Variants in SPTBN1 observed in about 807,000 individuals in gnomAD.
SPTBN1 encodes the protein spectrin beta, non-erythrocytic 1.
In SPTBN1, 32 loss-of-function variants were observed where a neutral mutation model predicts 266.4. That is an observed-to-expected ratio of 0.12 (90% CI 0.09 to 0.16). The LOEUF (loss-of-function observed/expected upper bound fraction) is 0.16, where lower values mean the gene tolerates loss of function less well. Among genes scored for constraint, SPTBN1 ranks in the 10% least tolerant of loss-of-function variants. The pLI is 1.00. For synonymous variants in SPTBN1, 1,336 were observed against 1,162.2 expected (o/e 1.15, Z -3.04); for missense variants, 2,296 against 3,067.1 (o/e 0.75, Z 5.94).
intron 33 of SPTBN1, among the ~76,000 whole-genome samples, chr2:54,665,114 C>T (rs1681286873): frequency 6.6e-6 from 1 of 152,124 alleles, no homozygotes; most frequent in Admixed American, 6.5e-5. Context: ...TTTTATTTAA[C>T]AGATGGGGAA....
At chr2:54,494,254 A>G (rs368445684) in intron 1 of SPTBN1, among the ~76,000 whole-genome samples, 72 of 152,346 alleles carry the variant, frequency 4.7e-4, no homozygotes, top group African/African-American at 1.6e-3. Flanking sequence ...AAAAGGACTT[A>G]TCTTTTAAGA....
At position 54,621,463 on chromosome 2, in the gene SPTBN1, A is replaced by G. The variant is rs764904043; in HGVS notation, c.827A>G (p.Tyr276Cys). 2 of 1,614,138 alleles carry G rather than the reference A, an allele frequency of 1.2e-6. No homozygotes were observed. Among genetic ancestry groups the G allele is most frequent in the Non-Finnish European group, 1.7e-6 (2 of 1,180,002 alleles). ...IITYVVTYYH[Y>C]FSKMKALAVE... ...ACTTATGTGGTGACTTATTACCACT[A>G]CTTCTCTAAGATGAAGGCCTTAGCT... Residue 276 changes from tyrosine to cysteine, a missense_variant, in exon 8 of 36, where the codon TAC becomes TGC. Physicochemically the swap from Tyr to Cys is radical, Grantham distance 194. Around this residue, in one of 12 missense-constraint regions of SPTBN1, gnomAD observed 178 missense variants for 375.7 expected, o/e 0.47. Transcript: ENST00000356805.
intron 1 of SPTBN1, among the ~76,000 whole-genome samples, chr2:54,458,807 G>T (rs1246694879): frequency 1.3e-5 from 2 of 152,192 alleles, no homozygotes; most frequent in Non-Finnish European, 2.9e-5. Context: ...ATTTCAATAT[G>T]CTAGTTGGAA....
At chr2:54,470,420 C>G (rs957639988) in intron 1 of SPTBN1, among the ~76,000 whole-genome samples, 13 of 152,162 alleles carry the variant, frequency 8.5e-5, no homozygotes. Context: ...TCTCAGTCTC[C>G]TCAACTTTTA....
rs566700866 is a variant in SPTBN1 at position 54,504,627 on chromosome 2, T to G, written c.-47-21745T>G. On this transcript the variant is annotated intron_variant, in intron 1 of 35. Transcript: ENST00000356805. ...GATTTAAAGTATTTGAGAGGATGTG[T>G]GTCGGTTTTATACAAATACTACACC... is the stretch of plus-strand genomic sequence containing the variant. Among the ~76,000 whole-genome samples, 113 of 152,322 alleles carry G rather than the reference T, an allele frequency of 7.4e-4. 1 individual carries two copies. Among genetic ancestry groups the G allele is most frequent in the African/African-American group, 2.7e-3 (112 of 41,576 alleles).
In SPTBN1 at chr2:54,664,380, G is replaced by A. The variant is rs955835444; in HGVS notation, c.6421-73G>A. ...GGCATTTATACACAGCCACATGTGC[G>A]AGTCAGGTAGAGCGTATGTGGTCAC... On this transcript the variant is annotated intron_variant, in intron 32 of 35. Transcript: ENST00000356805. This position sits in a 1 kb window ranked among gnomAD's most constrained non-coding sequence, Gnocchi z 5.6. The A allele has an allele frequency of 6.0e-5, 87 of 1,453,214 alleles. No homozygotes were observed. In the Admixed American group the frequency reaches 9.3e-4, roughly 15 times the overall value. The allele number at this position is 1,453,214 out of a possible 1,614,324, so 90.0% of individuals were successfully genotyped here.
intron 10 of SPTBN1, 62 bp from the exon 11 acceptor site, chr2:54,624,742 G>A (rs1312375879): frequency 1.9e-6 from 3 of 1,602,470 alleles, no homozygotes; most frequent in Non-Finnish European, 2.6e-6. Flanking sequence ...TGTAACCACG[G>A]AAGTTTCCTT....
intron 1 of SPTBN1, among the ~76,000 whole-genome samples, chr2:54,511,123 C>A (rs559555962): frequency 6.6e-6 from 1 of 152,304 alleles, no homozygotes; most frequent in South Asian, 2.1e-4. Context: ...ATGATAAATG[C>A]ACTGTAAATC....
chr2:54,613,596 G>C (rs1393610761), intron 4 of SPTBN1, among the ~76,000 whole-genome samples: 1 of 152,218 alleles, frequency 6.6e-6, no homozygotes, highest in Non-Finnish European at 1.5e-5. Flanking sequence ...TAATAATTCA[G>C]GTTCCCAGGG....
At chr2:54,599,059 T>C (rs1676296898) in intron 2 of SPTBN1, 33 bp from the exon 3 acceptor site, 3 of 1,610,120 alleles carry the variant, frequency 1.9e-6, no homozygotes, top group Non-Finnish European at 2.5e-6. Flanking sequence ...AGTTCTGTGG[T>C]CAATGGTAAA....
At chr2:54,467,980 A>G (rs773152005) in intron 1 of SPTBN1, among the ~76,000 whole-genome samples, 3 of 152,206 alleles carry the variant, frequency 2.0e-5, no homozygotes, top group Non-Finnish European at 4.4e-5. Context: ...AAATCACTAG[A>G]TACTATGTGA....
At chr2:54,642,801 C>T (rs1679664299) in intron 18 of SPTBN1, among the ~76,000 whole-genome samples, 182 bp from the exon 19 acceptor site, 1 of 152,168 alleles carries the variant, frequency 6.6e-6, no homozygotes, top group Admixed American at 6.5e-5. Context: ...AGCTCAGGTA[C>T]AAGCTCCATC....
intron 1 of SPTBN1, among the ~76,000 whole-genome samples, chr2:54,466,609 T>TAAAAAAAA: frequency 8.0e-6 from 1 of 124,692 alleles, no homozygotes; most frequent in South Asian, 2.7e-4. Context: ...AAAAAAAAAG[T>TAAAAAAAA]ATGTTTATTC....
At chr2:54,622,826 GTATAT>G (rs1678083291) in intron 9 of SPTBN1, among the ~76,000 whole-genome samples, 1 of 152,140 alleles carries the variant, frequency 6.6e-6, no homozygotes, top group Non-Finnish European at 1.5e-5. Flanking sequence ...CTCATATGTT[GTATAT>G]TATAAGACCC....
At chr2:54,472,020 A>AGGTTTTT (rs1693948467) in intron 1 of SPTBN1, among the ~76,000 whole-genome samples, 1 of 48,488 alleles carries the variant, frequency 2.1e-5, no homozygotes, top group Non-Finnish European at 3.5e-5. Flanking sequence ...GGCCCTGAAG[A>AGGTTTTT]TGTTTTTTTT....
At chr2:54,616,392 C>G in intron 5 of SPTBN1, 94 bp downstream of exon 5, 1 of 1,052,996 alleles carries the variant, frequency 9.5e-7, no homozygotes, top group Non-Finnish European at 1.4e-6. Context: ...GTATCTTTTC[C>G]ACTGCTTCCA....
chr2:54,666,148 G>T, intron 34 of SPTBN1, 60 bp downstream of exon 34: 2 of 1,527,020 alleles, frequency 1.3e-6, no homozygotes, highest in Non-Finnish European at 1.8e-6. Flanking sequence ...CCACTCTGGG[G>T]TTTGGTTTTC....
chr2:54,491,976 G>A (rs1302368695), intron 1 of SPTBN1, among the ~76,000 whole-genome samples: 3 of 152,022 alleles, frequency 2.0e-5, no homozygotes, highest in Non-Finnish European at 4.4e-5. Context: ...CAGCATGGCT[G>A]GTAAACAAAT....
intron 3 of SPTBN1, 99 bp from the exon 4 acceptor site, chr2:54,612,062 G>A: frequency 8.5e-7 from 1 of 1,170,474 alleles, no homozygotes; most frequent in Non-Finnish European, 1.2e-6. Context: ...CTGAGCGGGA[G>A]AGCATTGCAT....
Sources: allele counts gnomAD v4.1 joint callset (sites outside exome capture counted in the v4.1 genomes callset), GRCh38; gene constraint gnomAD v4.1.1; regional missense constraint gnomAD v4.1.1; non-coding constraint Gnocchi (gnomAD v3.1); transcripts MANE v1.5; gene names NCBI Gene and HGNC (gene_info 2026-07-23, HGNC 2026-07-21).